ZDBF2: variants seen among roughly 807,000 people sequenced by gnomAD.
ZDBF2 encodes DBF4-type zinc finger-containing protein 2.
In ZDBF2, 6 loss-of-function variants were observed where a neutral mutation model predicts 9.4. The observed-to-expected ratio is 0.64, with a 90% confidence interval of 0.35 to 1.27. ZDBF2 has a LOEUF of 1.27. Ranked by LOEUF, ZDBF2 falls within the 50% of genes most tolerant of loss-of-function variation. ZDBF2 has a pLI of 0.03. For synonymous variants in ZDBF2, 905 were observed against 946.3 expected (o/e 0.96, Z 0.80); for missense variants, 2,697 against 2,766.8 (o/e 0.97, Z 0.57).
chr2:206,282,854 G>A (rs1247152819), intron 3 of ZDBF2, among the ~76,000 whole-genome samples: 1 of 152,164 alleles, frequency 6.6e-6, no homozygotes, highest in Non-Finnish European at 1.5e-5. Context: ...TGTACGCACT[G>A]AGCAGTAACT....
In ZDBF2 at chr2:206,307,466, C is replaced by T. The variant is rs1692872466; in HGVS notation, c.2938C>T (p.Leu980Phe). 3.1e-6 allele frequency: 5 copies of T among 1,612,528 alleles called. No individual in the cohort carries two copies. The change falls in exon 5 of 5, where the codon CTT becomes TTT. Residue 980 changes from leucine (L) to phenylalanine (F), a missense_variant. Transcript: ENST00000374423. ...KPEVIVKETWLQREKHAEFQG... is the reference protein window; with the variant it reads ...KPEVIVKETWFQREKHAEFQG... ...TGAAGTAATTGTCAAAGAAACATGG[C>T]TTCAAAGAGAAAAGCACGCTGAATT...
chr2:206,294,398 A>G (rs1414459710), intron 3 of ZDBF2, among the ~76,000 whole-genome samples: 2 of 152,252 alleles, frequency 1.3e-5, no homozygotes, highest in Non-Finnish European at 2.9e-5. Context: ...GATACCTTAT[A>G]GGATGTAAAT....
chr2:206,278,439 C>A (rs1691142592), intron 1 of ZDBF2, among the ~76,000 whole-genome samples: 1 of 151,994 alleles, frequency 6.6e-6, no homozygotes, highest in Non-Finnish European at 1.5e-5. Flanking sequence ...ATCATTTTTC[C>A]AGAATTTTCT....
At chr2:206,283,819 G>A (rs570022474) in intron 3 of ZDBF2, among the ~76,000 whole-genome samples, 10 of 152,002 alleles carry the variant, frequency 6.6e-5, no homozygotes, top group East Asian at 1.9e-4. Context: ...GTGCACCACC[G>A]TACCCAGCTA....
In ZDBF2 at chr2:206,308,648, T is replaced by C; in HGVS notation, c.4120T>C (p.Phe1374Leu). The C allele has an allele frequency of 6.2e-7, 1 of 1,612,612 alleles. No homozygotes were observed. Among genetic ancestry groups the C allele is most frequent in the Non-Finnish European group, 8.5e-7 (1 of 1,179,832 alleles). Residue 1374 changes from phenylalanine to leucine, a missense_variant, in exon 5 of 5, where the codon TTT (phenylalanine) becomes CTT (leucine). By Grantham distance (22) the Phe-to-Leu change is conservative. Around this residue, in one of 3 missense-constraint regions of ZDBF2, gnomAD observed 1,783 missense variants for 1,776.5 expected, o/e 1.00. Coordinates refer to ENST00000374423, the MANE Select transcript of ZDBF2 (RefSeq NM_020923.3). ...AGAAAGTTCTGATTCCAATGACTCT[T>C]TTCAGGCAGCAGCAGATGAGCTTCA... Reference protein sequence around the residue: ...PEESSDSNDSFQAAADELQKP... With the variant: ...PEESSDSNDSLQAAADELQKP...
At chr2:206,296,559 A>G (rs530716540) in intron 3 of ZDBF2, among the ~76,000 whole-genome samples, 29 of 152,348 alleles carry the variant, frequency 1.9e-4, no homozygotes, top group Admixed American at 1.6e-3. Context: ...TAGGTTTGGT[A>G]CTATCCACCG....
In ZDBF2 at chr2:206,311,880, A is replaced by G. The variant is rs943716771; in HGVS notation, c.*287A>G. 1 of 198,850 alleles carries G rather than the reference A, an allele frequency of 5.0e-6. No homozygotes were observed. The highest frequency in any genetic ancestry group is 1.2e-4 in the East Asian group (1 of 8,690). 12.3% of individuals were successfully genotyped at this position (198,850 alleles called of 1,614,324 possible). A position where few individuals can be genotyped will look rare whatever the true frequency, so the allele number is the denominator to read the frequency against. On this transcript the variant is annotated 3_prime_UTR_variant, in exon 5 of 5. Coordinates refer to ENST00000374423, the MANE Select transcript of ZDBF2 (RefSeq NM_020923.3). The stretch of plus-strand genomic sequence containing the variant: ...CCGTATATAGAATTTTGTTCCTCAA[A>G]TCATATCCCTCTTATTTTTTATGAT...
At position 206,307,624 on chromosome 2, in the gene ZDBF2, G is replaced by C. The variant is rs749595504; in HGVS notation, c.3096G>C (p.Lys1032Asn). Residue 1032 changes from lysine to asparagine, a missense_variant, in exon 5 of 5, where the codon AAG becomes AAC. Physicochemically the swap from Lys to Asn is moderately conservative, Grantham distance 94. Transcript: ENST00000374423. ...AGAAGCAATATGTTCTAGAAAACAA[G>C]AATGATAAATGTAGTGGTTCTGAAA... ...NRKKQYVLEN[K>N]NDKCSGSEII... The C allele has an allele frequency of 7.4e-6, 12 of 1,612,102 alleles. 1 individual carries two copies. In the South Asian group the frequency reaches 1.3e-4, roughly 18 times the overall value.
chr2:206,310,053 A>G lies in ZDBF2; in HGVS notation c.5525A>G (p.Lys1842Arg). Residue 1842 changes from lysine to arginine, a missense_variant, in exon 5 of 5, where the codon AAA (lysine) becomes AGA (arginine). Physicochemically the swap from Lys to Arg is conservative, Grantham distance 26. Around this residue, in one of 3 missense-constraint regions of ZDBF2, gnomAD observed 1,783 missense variants for 1,776.5 expected, o/e 1.00. Transcript: ENST00000374423. Reference protein sequence around the residue: ...WSQIMREDDIKINALVKEFRE... With the variant: ...WSQIMREDDIRINALVKEFRE... ...CAGATAATGAGAGAAGATGACATAA[A>G]AATTAATGCTCTGGTGAAGGAGTTT... 2 of 1,613,824 alleles carry G rather than the reference A, an allele frequency of 1.2e-6. No homozygotes were observed. The highest frequency in any genetic ancestry group is 1.7e-6 in the Non-Finnish European group (2 of 1,179,856).
intron 3 of ZDBF2, among the ~76,000 whole-genome samples, chr2:206,287,115 G>C (rs1415026850): frequency 6.6e-6 from 1 of 152,154 alleles, no homozygotes; most frequent in Non-Finnish European, 1.5e-5. Context: ...TTGCTCTTTG[G>C]TGGGGTTGGA....
chr2:206,295,724 G>A (rs778395764), intron 3 of ZDBF2, among the ~76,000 whole-genome samples: 5 of 151,808 alleles, frequency 3.3e-5, no homozygotes, highest in African/African-American at 9.7e-5. Flanking sequence ...AAATGGGGAC[G>A]ATATTCTTAC....
At chr2:206,277,237 C>T (rs1691059549) in intron 1 of ZDBF2, among the ~76,000 whole-genome samples, 1 of 151,716 alleles carries the variant, frequency 6.6e-6, no homozygotes, top group South Asian at 2.1e-4. Flanking sequence ...ACTCCAGACT[C>T]ATTTCAGAAA....
Position 206,312,997 on chromosome 2 carries a change from G to T in ZDBF2, c.*1404G>T, listed in dbSNP as rs1693264706. On this transcript the variant is annotated 3_prime_UTR_variant, in exon 5 of 5. Transcript: ENST00000374423. ...CCAGAACCTTTATTCAGGGACACTG[G>T]TTGAGTTGGTACAGATGCATTCAGT... 1 of 152,160 alleles carries T rather than the reference G, an allele frequency of 6.6e-6. No individual in the cohort carries two copies. The allele number at this position is 152,160 out of a possible 1,614,324, so 9.4% of individuals were successfully genotyped here.
In ZDBF2 at chr2:206,307,149, C is replaced by T. The variant is rs148587086; in HGVS notation, c.2621C>T (p.Ser874Leu). 48 of 1,612,944 alleles carry T rather than the reference C, an allele frequency of 3.0e-5. No homozygotes were observed. In the East Asian group the frequency reaches 5.1e-4, roughly 17 times the overall value. Reference sequence around the variant, plus strand: ...GAACCCAGTGGTTCTGAAATAAGTTCGGATTCCCATGCCCCTCTTCATTCA... The same window carrying T: ...GAACCCAGTGGTTCTGAAATAAGTTTGGATTCCCATGCCCCTCTTCATTCA... Reference protein sequence around the residue: ...NDEPSGSEISSDSHAPLHSVT... With the variant: ...NDEPSGSEISLDSHAPLHSVT... Residue 874 changes from serine to leucine, a missense_variant, in exon 5 of 5, where the codon TCG becomes TTG. By Grantham distance (145) the Ser-to-Leu change is moderately radical. Coordinates refer to ENST00000374423, the MANE Select transcript of ZDBF2 (RefSeq NM_020923.3).
rs577716826 is a variant in ZDBF2, at chr2:206,280,185, G to C, written c.-50+593G>C. Reference sequence around the variant, plus strand: ...TGGGATTTTGATTTGCTAAGTTTCTGATGGGGTCCTGGCATGTTAATTTTT... The same window carrying C: ...TGGGATTTTGATTTGCTAAGTTTCTCATGGGGTCCTGGCATGTTAATTTTT... On this transcript the variant is annotated intron_variant, in intron 2 of 4. Transcript: ENST00000374423. 9.1e-4 allele frequency among the ~76,000 whole-genome samples: 139 copies of C among 152,324 alleles called. 2 individuals carry two copies. Among genetic ancestry groups the C allele is most frequent in the Middle Eastern group, 6.8e-3 (2 of 294 alleles).
intron 4 of ZDBF2, among the ~76,000 whole-genome samples, chr2:206,299,049 T>G (rs1692353538): frequency 6.6e-6 from 1 of 150,794 alleles, no homozygotes; most frequent in South Asian, 2.1e-4. Flanking sequence ...CCTGGCTAAT[T>G]TTTGTATTTT....
chr2:206,310,111 T>A lies in ZDBF2; in HGVS notation c.5583T>A (p.Asp1861Glu). ...GTCGTTTCCACTGTTACTTTGATGA[T>A]GACTGTGAGACCAAAAAAGTTTCTT... ...REGRFHCYFDDDCETKKVSSK... is the reference protein window; with the variant it reads ...REGRFHCYFDEDCETKKVSSK... The change falls in exon 5 of 5, where the codon GAT (aspartate) becomes GAA (glutamate). Residue 1861 changes from aspartate to glutamate, a missense_variant. Coordinates refer to ENST00000374423, the MANE Select transcript of ZDBF2 (RefSeq NM_020923.3). 1 of 1,613,656 alleles carries A rather than the reference T, an allele frequency of 6.2e-7. No individual in the cohort carries two copies. Among genetic ancestry groups the A allele is most frequent in the Non-Finnish European group, 8.5e-7 (1 of 1,179,820 alleles).
intron 3 of ZDBF2, among the ~76,000 whole-genome samples, chr2:206,283,387 T>G (rs1435851062): frequency 6.6e-6 from 1 of 151,342 alleles, no homozygotes; most frequent in Admixed American, 6.6e-5. Flanking sequence ...TGTTTTGTTT[T>G]TTGTTGTTGT....
chr2:206,306,416 G>A lies in ZDBF2; in HGVS notation c.1888G>A (p.Val630Ile), dbSNP rs755441916. The A allele has an allele frequency of 1.9e-6, 3 of 1,613,718 alleles. No individual in the cohort carries two copies. Among genetic ancestry groups the A allele is most frequent in the Admixed American group, 1.7e-5 (1 of 60,004 alleles). Residue 630 changes from valine to isoleucine, a missense_variant, in exon 5 of 5, where the codon GTC becomes ATC. By Grantham distance (29) the Val-to-Ile change is conservative. Around this residue, in one of 3 missense-constraint regions of ZDBF2, gnomAD observed 910 missense variants for 973.6 expected, o/e 0.93. Transcript: ENST00000374423. ...SSAKAHLDCD[V>I]SLGTVADESQ... is the part of the protein sequence containing the mutation. ...TGCTAAAGCACATCTTGATTGTGAT[G>A]TCTCACTTGGGACAGTTGCAGATGA...
Sources: allele counts gnomAD v4.1 joint callset (sites outside exome capture counted in the v4.1 genomes callset), GRCh38; gene constraint gnomAD v4.1.1; regional missense constraint gnomAD v4.1.1; transcripts MANE v1.5; gene names NCBI Gene and HGNC (gene_info 2026-07-23, HGNC 2026-07-21).